The following SHKBP1 variants were observed in gnomAD, a reference collection of about 807,000 sequenced individuals.
The protein encoded by SHKBP1 is SH3KBP1-binding protein 1.
SHKBP1 carries 71 observed loss-of-function variants against 83.9 expected under a neutral mutation model. The observed-to-expected ratio is 0.85, with a 90% CI of 0.70 to 1.03. The LOEUF (loss-of-function observed/expected upper bound fraction) is 1.03, where lower values mean the gene tolerates loss of function less well. Among genes scored for constraint, SHKBP1 ranks in the 50% least tolerant of loss-of-function variants. The pLI is 0.00. For missense variants in SHKBP1, 824 were observed against 982.4 expected, an observed-to-expected ratio of 0.84 and a Z score of 2.16; for synonymous variants, 371 against 398.0, an observed-to-expected ratio of 0.93 and a Z score of 0.81.
chr19:40,586,963 C>A lies in SHKBP1; in HGVS notation c.1336+19C>A. On this transcript the variant is annotated intron_variant, in intron 13 of 17. Coordinates refer to ENST00000291842, the MANE Select transcript of SHKBP1 (RefSeq NM_138392.4). ...ATCTCAGGTGAGCCTCTGTGGGGTG[C>A]TCCAGTGCTGGGAGAGACAGCTCAG... is the stretch of plus-strand genomic sequence containing the variant. 1 of 1,575,648 alleles carries A rather than the reference C, an allele frequency of 6.3e-7. No homozygotes were observed. The highest frequency in any genetic ancestry group is 8.7e-7 in the Non-Finnish European group (1 of 1,153,952).
chr19:40,577,312 G>A, intron 2 of SHKBP1, 28 bp downstream of exon 2: 1 of 1,613,866 alleles, frequency 6.2e-7, no homozygotes, highest in Admixed American at 1.7e-5. Flanking sequence ...TTTGGGGCGA[G>A]GGTAGGAGGG....
At position 40,591,304 on chromosome 19, in the gene SHKBP1, C is replaced by A; in HGVS notation, c.*97C>A. 2 of 1,073,460 alleles carry A rather than the reference C, an allele frequency of 1.9e-6. No individual in the cohort carries two copies. Among genetic ancestry groups the A allele is most frequent in the Non-Finnish European group, 2.6e-6 (2 of 760,846 alleles). 66.5% of individuals were successfully genotyped at this position (1,073,460 alleles called of 1,614,324 possible). A position where few individuals can be genotyped will look rare whatever the true frequency, so the allele number is the denominator to read the frequency against. ...GGAACCCCGGGTTCAGGGCCAGGGCCTCCTTGGAATAAATGGTTATTGTTA... is the reference window on the plus strand; with the variant it reads ...GGAACCCCGGGTTCAGGGCCAGGGCATCCTTGGAATAAATGGTTATTGTTA... On this transcript the variant is annotated 3_prime_UTR_variant, in exon 18 of 18. Coordinates refer to ENST00000291842, the MANE Select transcript of SHKBP1 (RefSeq NM_138392.4).
Position 40,590,511 on chromosome 19 carries a change from A to G in SHKBP1, c.1768+89A>G. On this transcript the variant is annotated intron_variant, in intron 16 of 17. Transcript: ENST00000291842. This position sits in a 1 kb window ranked among gnomAD's most constrained non-coding sequence, Gnocchi z 4.6. ...CTGCCAACTGCTTGATCTCTCTCCC[A>G]GGCCCTTGCCCTCTGACCCCTTTTC... 3 of 1,455,856 alleles carry G rather than the reference A, an allele frequency of 2.1e-6. No individual in the cohort carries two copies. Among genetic ancestry groups the G allele is most frequent in the Non-Finnish European group, 1.9e-6 (2 of 1,074,108 alleles). 90.2% of individuals were successfully genotyped at this position (1,455,856 alleles called of 1,614,324 possible). A position where few individuals can be genotyped will look rare whatever the true frequency, so the allele number is the denominator to read the frequency against.
In SHKBP1 at chr19:40,578,472, G is replaced by T. The variant is rs1461449707; in HGVS notation, c.330G>T (p.Leu110=). 6 of 1,614,158 alleles carry T rather than the reference G, an allele frequency of 3.7e-6. No individual in the cohort carries two copies. The highest frequency in any genetic ancestry group is 5.1e-6 in the Non-Finnish European group (6 of 1,180,008). Residue 110 remains leucine, a synonymous_variant, in exon 6 of 18, where the codon CTG becomes CTT. Coordinates refer to ENST00000291842, the MANE Select transcript of SHKBP1 (RefSeq NM_138392.4). ...GTCCTCCTGTTGCAGTTCGTCGCCT[G>T]CAGCTTCGAGAGGAGTTGGATCGAT... The part of the protein sequence containing the change: ...FYGLTPLVRR[L]QLREELDRSS...
In SHKBP1 at chr19:40,580,849, G is replaced by C. The variant is rs1189162026; in HGVS notation, c.757G>C (p.Gly253Arg). Reference sequence around the variant, plus strand: ...AGCCCGGGTGCATGGTGGGGCTTTGGGTGAACATGACAAGATGGTGGCAGC... The same window carrying C: ...AGCCCGGGTGCATGGTGGGGCTTTGCGTGAACATGACAAGATGGTGGCAGC... ...LTARVHGGALGEHDKMVAAAT... is the reference protein window; with the variant it reads ...LTARVHGGALREHDKMVAAAT... The change falls in exon 9 of 18, where the codon GGT (glycine) becomes CGT (arginine). Residue 253 changes from glycine to arginine, a missense_variant. By Grantham distance (125) the Gly-to-Arg change is moderately radical. Around this residue, in one of 3 missense-constraint regions of SHKBP1, gnomAD observed 355 missense variants for 386.4 expected, o/e 0.92. Coordinates refer to ENST00000291842, the MANE Select transcript of SHKBP1 (RefSeq NM_138392.4). 5 of 1,613,426 alleles carry C rather than the reference G, an allele frequency of 3.1e-6. No individual in the cohort carries two copies. The highest frequency in any genetic ancestry group is 3.4e-6 in the Non-Finnish European group (4 of 1,179,768).
chr19:40,577,840 G>A, intron 4 of SHKBP1: 1 of 656,894 alleles, frequency 1.5e-6, no homozygotes, highest in Non-Finnish European at 2.6e-6. Flanking sequence ...CCAGGATTTG[G>A]AGACTAGCCT....
At chr19:40,582,318 G>A in intron 9 of SHKBP1, 33 bp from the exon 10 acceptor site, 1 of 1,564,352 alleles carries the variant, frequency 6.4e-7, no homozygotes, top group Non-Finnish European at 8.8e-7. Context: ...CCATGAGGCA[G>A]GGTTCCAGCT....
Position 40,576,927 on chromosome 19 carries a change from G to A in SHKBP1, c.28G>A (p.Gly10Arg). 1 of 1,489,662 alleles carries A rather than the reference G, an allele frequency of 6.7e-7. No individual in the cohort carries two copies. Among genetic ancestry groups the A allele is most frequent in the East Asian group, 2.5e-5 (1 of 40,540 alleles). 92.3% of individuals were successfully genotyped at this position (1,489,662 alleles called of 1,614,324 possible). A position where few individuals can be genotyped will look rare whatever the true frequency, so the allele number is the denominator to read the frequency against. The part of the protein sequence containing the change: MAAAATAAE[G>R]VPSRGPPGEV... ...GGCAGCAGCGGCTACTGCAGCCGAG[G>A]GGGTCCCCAGTCGGGGGCCTCCCGG... The change falls in exon 1 of 18, where the codon GGG becomes AGG. Residue 10 changes from glycine to arginine, a missense_variant. Transcript: ENST00000291842.
intron 2 of SHKBP1, 49 bp downstream of exon 2, chr19:40,577,333 C>T (rs755555765): frequency 5.6e-6 from 9 of 1,613,244 alleles, no homozygotes; most frequent in Admixed American, 1.7e-5. Flanking sequence ...ATGGAGAGGG[C>T]GTGGGAGACC....
chr19:40,588,775 C>A lies in SHKBP1; in HGVS notation c.1488C>A (p.Asp496Glu). ...ATGGCGGCTGCAGTGCTGGCAATGACATTGGTGCCTACTGGCTCCTGGCCT... is the reference window on the plus strand; with the variant it reads ...ATGGCGGCTGCAGTGCTGGCAATGAAATTGGTGCCTACTGGCTCCTGGCCT... ...DGHGGCSAGNDIGPYGERDDQ... is the reference protein window; with the variant it reads ...DGHGGCSAGNEIGPYGERDDQ... Residue 496 changes from aspartate (D) to glutamate (E), a missense_variant, in exon 14 of 18, where the codon GAC becomes GAA. Physicochemically the swap from Asp to Glu is conservative, Grantham distance 45. Coordinates refer to ENST00000291842, the MANE Select transcript of SHKBP1 (RefSeq NM_138392.4). 6.2e-7 allele frequency: 1 copy of A among 1,613,148 alleles called. No individual in the cohort carries two copies.
chr19:40,584,313 G>C (rs1156445058), intron 12 of SHKBP1, among the ~76,000 whole-genome samples: 2 of 152,194 alleles, frequency 1.3e-5, no homozygotes, highest in Non-Finnish European at 2.9e-5. Flanking sequence ...ATGTTCACAT[G>C]TTCATAAAAC....
At chr19:40,581,735 A>G in intron 9 of SHKBP1, among the ~76,000 whole-genome samples, 1 of 152,020 alleles carries the variant, frequency 6.6e-6, no homozygotes, top group Non-Finnish European at 1.5e-5. Flanking sequence ...CACAGCAACA[A>G]ATCTCGGACT....
intron 9 of SHKBP1, among the ~76,000 whole-genome samples, chr19:40,581,533 A>AC (rs2081270089): frequency 1.5e-5 from 1 of 67,010 alleles, no homozygotes; most frequent in Non-Finnish European, 3.0e-5. Flanking sequence ...CAAAAAAAAA[A>AC]AAAAAACAAA....
chr19:40,590,962 CCTTA>C lies in SHKBP1; in HGVS notation c.1893-10_1893-7del. On this transcript the variant is annotated splice_polypyrimidine_tract_variant and intron_variant, in intron 17 of 17. Transcript: ENST00000291842. The surrounding 1 kb of genome is among the most constrained non-coding windows in gnomAD (Gnocchi z 4.6). ...CCCCGTGATGACGTGCACTTACTGT[CCTTA>C]CTTCCTCAGCCTCCACTCAGCCTCC... 2.5e-6 allele frequency: 4 copies of C among 1,596,374 alleles called. No homozygotes were observed. Among genetic ancestry groups the C allele is most frequent in the Non-Finnish European group, 3.4e-6 (4 of 1,166,644 alleles).
At position 40,590,209 on chromosome 19, in the gene SHKBP1, G is replaced by A; in HGVS notation, c.1590-35G>A. 12 of 1,516,996 alleles carry A rather than the reference G, an allele frequency of 7.9e-6. No homozygotes were observed. The highest frequency in any genetic ancestry group is 9.7e-6 in the Non-Finnish European group (11 of 1,131,316). The allele number at this position is 1,516,996 out of a possible 1,614,324, so 94.0% of individuals were successfully genotyped here. ...GACTGGGACGAGGAAGGGTGAGAAA[G>A]CGAGGGTGACCACCTCCCCCACTGC... On this transcript the variant is annotated intron_variant, in intron 15 of 17. Coordinates refer to ENST00000291842, the MANE Select transcript of SHKBP1 (RefSeq NM_138392.4). This position sits in a 1 kb window ranked among gnomAD's most constrained non-coding sequence, Gnocchi z 4.6.
In SHKBP1 at chr19:40,591,002, C is replaced by T. The variant is rs2081355181; in HGVS notation, c.1919C>T (p.Ser640Phe). ...TSLHSASSNTSLSGHRGSPSP... is the reference protein window; with the variant it reads ...TSLHSASSNTFLSGHRGSPSP... ...CTCCACTCAGCCTCCAGCAACACCTCCTTGTCTGGCCACCGTGGGAGCCCA... is the reference window on the plus strand; with the variant it reads ...CTCCACTCAGCCTCCAGCAACACCTTCTTGTCTGGCCACCGTGGGAGCCCA... The change falls in exon 18 of 18, where the codon TCC becomes TTC. Residue 640 changes from serine to phenylalanine, a missense_variant. By Grantham distance (155) the Ser-to-Phe change is radical. This residue lies in a region of SHKBP1 where 287 missense variants were observed against 322.9 expected (regional missense o/e 0.89). Coordinates refer to ENST00000291842, the MANE Select transcript of SHKBP1 (RefSeq NM_138392.4). The T allele has an allele frequency of 2.5e-6, 4 of 1,610,480 alleles. No individual in the cohort carries two copies. Among genetic ancestry groups the T allele is most frequent in the East Asian group, 4.5e-5 (2 of 44,714 alleles).
chr19:40,577,353 C>T (rs994938585), intron 2 of SHKBP1, 43 bp from the exon 3 acceptor site: 3 of 1,613,838 alleles, frequency 1.9e-6, no homozygotes, highest in East Asian at 2.2e-5. Flanking sequence ...CTAATATCCA[C>T]TCCCCCGGCC....
chr19:40,584,541 A>G (rs945267677), intron 12 of SHKBP1, among the ~76,000 whole-genome samples: 2 of 152,248 alleles, frequency 1.3e-5, no homozygotes, highest in Non-Finnish European at 2.9e-5. Flanking sequence ...GAGTATGTTC[A>G]TCACCCCCGT....
chr19:40,577,948 TACACAC>T (rs58880858), intron 4 of SHKBP1, 200 bp from the exon 5 acceptor site: 81,989 of 562,500 alleles, frequency 0.15, 1,852 homozygotes, highest in Non-Finnish European at 0.16. Flanking sequence ...GATTTCTCCC[TACACAC>T]ACACACACAC....
Sources: gnomAD v4.1 joint callset for allele counts (sites outside exome capture counted in the v4.1 genomes callset) on GRCh38, gnomAD v4.1.1 for gene constraint, gnomAD v4.1.1 regional missense constraint, Gnocchi (gnomAD v3.1) non-coding constraint, MANE v1.5 for transcripts, NCBI Gene and HGNC (gene_info 2026-07-23, HGNC 2026-07-21) for gene names.